Variants in RNF168 observed in about 807,000 individuals in gnomAD.
RNF168 encodes the protein ring finger protein 168, also known as E3 ubiquitin-protein ligase RNF168.
RNF168 carries 34 observed loss-of-function variants against 34.9 expected under a neutral mutation model. That is an observed-to-expected ratio of 0.97 (90% CI 0.74 to 1.30). The LOEUF (loss-of-function observed/expected upper bound fraction) is 1.30, where lower values mean the gene tolerates loss of function less well. RNF168 is among the 50% of genes most tolerant of loss of function. The pLI is 0.00. For missense variants in RNF168, 725 were observed against 682.5 expected (o/e 1.06, Z -0.69); for synonymous variants, 264 against 254.7 (o/e 1.04, Z -0.35).
chr3:196,476,129 G>A (rs1294957737), intron 4 of RNF168, among the ~76,000 whole-genome samples: 1 of 152,046 alleles, frequency 6.6e-6, no homozygotes, highest in African/African-American at 2.4e-5. Flanking sequence ...CAAAGTGCTG[G>A]GATTACAGCC....
Position 196,471,251 on chromosome 3 carries a change from A to G in RNF168, c.*568T>C, listed in dbSNP as rs1413066919. 2.7e-5 allele frequency: 4 copies of G among 149,426 alleles called. No individual in the cohort carries two copies. The highest frequency in any genetic ancestry group is 2.1e-4 in the South Asian group (1 of 4,704). The allele number at this position is 149,426 out of a possible 1,614,324, so 9.3% of individuals were successfully genotyped here. A position where few individuals can be genotyped will look rare whatever the true frequency, so the allele number is the denominator to read the frequency against. On this transcript the variant is annotated 3_prime_UTR_variant, in exon 6 of 6. Transcript: ENST00000318037. ...AAAATCTGGGATTTCCCACATATGA[A>G]TATGAATCCAAATTTTGAAACTCCG...
At chr3:196,499,326 C>T (rs947391547) in intron 1 of RNF168, among the ~76,000 whole-genome samples, 1 of 152,062 alleles carries the variant, frequency 6.6e-6, no homozygotes, top group African/African-American at 2.4e-5. Flanking sequence ...GAGAAGGGCA[C>T]GGAACAGATT....
Position 196,502,975 on chromosome 3 carries a change from G to A in RNF168, c.199C>T (p.Arg67Ter). ...RVSSWTRYHT[R>*]RNSLVNVELW... ...TCCACGTTGACGAGAGAATTTCTTC[G>A]GGTATGGTACCGAGTCCACGACGAT... The change falls in exon 1 of 6, where the codon CGA becomes TGA. Residue 67 changes from arginine (R) to a stop codon, truncating the protein, a stop_gained. Transcript: ENST00000318037. LOFTEE classifies it high-confidence loss of function. 6.2e-7 allele frequency: 1 copy of A among 1,614,024 alleles called. No individual in the cohort carries two copies. Among genetic ancestry groups the A allele is most frequent in the Non-Finnish European group, 8.5e-7 (1 of 1,179,952 alleles).
At position 196,483,880 on chromosome 3, in the gene RNF168, A is replaced by C; in HGVS notation, c.570T>G (p.Cys190Trp). The C allele has an allele frequency of 6.2e-7, 1 of 1,608,354 alleles. No individual in the cohort carries two copies. The highest frequency in any genetic ancestry group is 8.5e-7 in the Non-Finnish European group (1 of 1,174,846). The change falls in exon 4 of 6, where the codon TGT becomes TGG. Residue 190 changes from cysteine (C) to tryptophan (W), a missense_variant. Coordinates refer to ENST00000318037, the MANE Select transcript of RNF168 (RefSeq NM_152617.4). ...RKLSIDINNF[C>W]EGSISASPLN... ...AGGGAGAAGCCGAGATACTTCCCTCACAGAAATTGTTCTTCAACAATAGAA... is the reference window on the plus strand; with the variant it reads ...AGGGAGAAGCCGAGATACTTCCCTCCCAGAAATTGTTCTTCAACAATAGAA...
chr3:196,492,345 T>A (rs56323032), intron 1 of RNF168, among the ~76,000 whole-genome samples: 33,167 of 142,288 alleles, frequency 0.23, 3,861 homozygotes, highest in African/African-American at 0.34. Context: ...TTCAAAAAAA[T>A]TTTTTTTAAG....
At chr3:196,472,924 CAG>C (rs779060579) in intron 5 of RNF168, 152 bp from the exon 6 acceptor site, 5 of 566,308 alleles carry the variant, frequency 8.8e-6, no homozygotes, top group South Asian at 2.6e-5. Flanking sequence ...CTTTTTTTTT[CAG>C]AGTCTTGCTC....
At chr3:196,497,297 A>T (rs949890612) in intron 1 of RNF168, among the ~76,000 whole-genome samples, 4 of 152,222 alleles carry the variant, frequency 2.6e-5, no homozygotes, top group Admixed American at 2.6e-4. Context: ...ACTGATACCC[A>T]TATGGGAAAA....
chr3:196,501,850 C>CA (rs1732895473), intron 1 of RNF168, among the ~76,000 whole-genome samples: 2 of 152,070 alleles, frequency 1.3e-5, no homozygotes, highest in South Asian at 4.1e-4. Flanking sequence ...CTCCGCCTCC[C>CA]AAAGCGCTGG....
chr3:196,502,034 AC>A (rs530086705), intron 1 of RNF168, among the ~76,000 whole-genome samples: 1 of 146,036 alleles, frequency 6.8e-6, no homozygotes, highest in South Asian at 2.2e-4. Context: ...TACACATATA[AC>A]TGTGACCAAA....
chr3:196,484,456 G>A lies in RNF168; in HGVS notation c.559-565C>T, dbSNP rs542893063. Among the ~76,000 whole-genome samples the A allele has an allele frequency of 4.2e-5, 6 of 143,108 alleles. No homozygotes were observed. The South Asian group carries it at 1.3e-3, about 32-fold the overall frequency. The allele number at this position is 143,108 out of a possible 152,430, so 93.9% of individuals were successfully genotyped here. On this transcript the variant is annotated intron_variant, in intron 3 of 5. Transcript: ENST00000318037. ...CCCAAAGTGCTGGGATTACAGGCATGAGGCACCGCGCCCGGCCTTTTTTTT... is the reference window on the plus strand; with the variant it reads ...CCCAAAGTGCTGGGATTACAGGCATAAGGCACCGCGCCCGGCCTTTTTTTT...
chr3:196,491,776 A>ATC (rs1419679976), intron 1 of RNF168, among the ~76,000 whole-genome samples: 4 of 152,166 alleles, frequency 2.6e-5, no homozygotes, highest in Admixed American at 1.3e-4. Flanking sequence ...ATTAAGATAT[A>ATC]TACACACACA....
rs771138989 is a variant in RNF168, at chr3:196,475,260, G to T, written c.733C>A (p.Gln245Lys). The T allele has an allele frequency of 6.2e-7, 1 of 1,609,932 alleles. No individual in the cohort carries two copies. Among genetic ancestry groups the T allele is most frequent in the South Asian group, 1.1e-5 (1 of 90,996 alleles). Residue 245 changes from glutamine to lysine, a missense_variant, in exon 5 of 6, where the codon CAA (glutamine) becomes AAA (lysine). By Grantham distance (53) the Gln-to-Lys change is moderately conservative (BLOSUM62 1). Coordinates refer to ENST00000318037, the MANE Select transcript of RNF168 (RefSeq NM_152617.4). ...GATACGGAGTCTTTCCTGACTTCTTGTACAGCTTCAGAGTGTGAGGCTGAC... is the reference window on the plus strand; with the variant it reads ...GATACGGAGTCTTTCCTGACTTCTTTTACAGCTTCAGAGTGTGAGGCTGAC... ...FGSASHSEAV[Q>K]EVRKDSVSKD...
At chr3:196,488,823 C>T (rs1732520371) in intron 1 of RNF168, 140 bp from the exon 2 acceptor site, 1 of 440,852 alleles carries the variant, frequency 2.3e-6, no homozygotes, top group Non-Finnish European at 4.1e-6. Context: ...CCATTTTTAA[C>T]ATTTATTTTA....
At position 196,478,141 on chromosome 3, in the gene RNF168, C is replaced by CT. The variant is rs201177681; in HGVS notation, c.681-2830dup. 8.1e-3 allele frequency among the ~76,000 whole-genome samples: 1,216 copies of CT among 150,456 alleles called. 16 individuals are homozygous for CT. The highest frequency in any genetic ancestry group is 0.027 in the African/African-American group (1,117 of 40,996). On this transcript the variant is annotated intron_variant, in intron 4 of 5. Transcript: ENST00000318037. Reference sequence around the variant, plus strand: ...CCTTTCCCTTCCCATGTTTTAAGAACTTTTTTTTTTCTTTTTTCCTTGAGT... The same window carrying CT: ...CCTTTCCCTTCCCATGTTTTAAGAACTTTTTTTTTTTCTTTTTTCCTTGAGT...
intron 1 of RNF168, among the ~76,000 whole-genome samples, chr3:196,489,953 A>G (rs1400454141): frequency 6.6e-6 from 1 of 152,218 alleles, no homozygotes; most frequent in Non-Finnish European, 1.5e-5. Flanking sequence ...CAGAGCAGCT[A>G]ATGTAATAGG....
intron 4 of RNF168, among the ~76,000 whole-genome samples, chr3:196,480,573 T>G (rs915463258): frequency 6.6e-6 from 1 of 152,228 alleles, no homozygotes; most frequent in Non-Finnish European, 1.5e-5. Context: ...CTGACCATTT[T>G]GTAGTATTAG....
intron 1 of RNF168, among the ~76,000 whole-genome samples, chr3:196,496,314 CCTTCCTTGCCT>C (rs149640702): frequency 0.019 from 2,877 of 152,228 alleles, 107 homozygotes; most frequent in African/African-American, 0.067. Flanking sequence ...TGTAGGGGAT[CCTTCCTTGCCT>C]CTTCCTTGCT....
intron 1 of RNF168, among the ~76,000 whole-genome samples, chr3:196,501,081 T>C (rs1481896514): frequency 6.6e-6 from 1 of 152,030 alleles, no homozygotes; most frequent in African/African-American, 2.4e-5. Context: ...AAATAACAAG[T>C]GTTGGTGAGG....
chr3:196,475,293 G>C lies in RNF168; in HGVS notation c.700C>G (p.Gln234Glu), dbSNP rs762109037. 1.9e-6 allele frequency: 3 copies of C among 1,609,634 alleles called. No homozygotes were observed. Among genetic ancestry groups the C allele is most frequent in the East Asian group, 4.5e-5 (2 of 44,828 alleles). ...TCAGAGTGTGAGGCTGACCCAAACTGAGATTTCGGTGTCAAATACCTAAAA... is the reference window on the plus strand; with the variant it reads ...TCAGAGTGTGAGGCTGACCCAAACTCAGATTTCGGTGTCAAATACCTAAAA... ...DIQKYLTPKS[Q>E]FGSASHSEAV... Residue 234 changes from glutamine to glutamate, a missense_variant, in exon 5 of 6, where the codon CAG becomes GAG. Physicochemically the swap from Gln to Glu is conservative, Grantham distance 29. Transcript: ENST00000318037.
Sources: allele counts gnomAD v4.1 joint callset (sites outside exome capture counted in the v4.1 genomes callset), GRCh38; gene constraint gnomAD v4.1.1; transcripts MANE v1.5; gene names NCBI Gene and HGNC (gene_info 2026-07-23, HGNC 2026-07-21).